CSMD3: variants seen among roughly 807,000 people sequenced by gnomAD.
The protein encoded by CSMD3 is CUB and Sushi multiple domains 3.
CSMD3 carries 177 observed loss-of-function variants against 435.2 expected under a neutral mutation model. The ratio of observed to expected loss-of-function variants is 0.41; its 90% confidence interval spans 0.36 to 0.46. The LOEUF (loss-of-function observed/expected upper bound fraction) is 0.46. CSMD3 is among the 20% of genes least tolerant of loss of function. CSMD3 has a pLI of 0.34. For synonymous variants in CSMD3, 1,656 were observed against 1,520.5 expected (o/e 1.09, Z -2.07); for missense variants, 4,265 against 4,504.6 (o/e 0.95, Z 1.52).
At chr8:113,389,564 T>C (rs890570928) in intron 1 of CSMD3, among the ~76,000 whole-genome samples, 1 of 151,768 alleles carries the variant, frequency 6.6e-6, no homozygotes, top group Admixed American at 6.6e-5. Context: ...GGGGTAGAAA[T>C]TTACACTGTC....
chr8:113,431,775 TTTTG>T (rs1328552125), intron 1 of CSMD3, among the ~76,000 whole-genome samples: 1 of 151,756 alleles, frequency 6.6e-6, no homozygotes, highest in Non-Finnish European at 1.5e-5. Flanking sequence ...CTCCTACTTT[TTTTG>T]TTTATCAGCT....
intron 65 of CSMD3, 123 bp from the exon 66 acceptor site, chr8:112,241,908 C>T: frequency 2.6e-6 from 2 of 766,124 alleles, no homozygotes; most frequent in South Asian, 2.8e-5. Context: ...TCTGACATTT[C>T]ACATAGATAG....
At chr8:112,656,056 AAAAT>A (rs1239121536) in intron 18 of CSMD3, 94 bp downstream of exon 18, 7 of 691,086 alleles carry the variant, frequency 1.0e-5, no homozygotes, top group African/African-American at 1.8e-5. Context: ...GCTTTGATTT[AAAAT>A]AAATAGAGCT....
chr8:113,081,983 C>T (rs913435306), intron 5 of CSMD3, among the ~76,000 whole-genome samples: 1 of 152,154 alleles, frequency 6.6e-6, no homozygotes. Flanking sequence ...TGCATCCATG[C>T]ATGCCCTCTG....
In CSMD3 at chr8:113,085,966, A is replaced by T. The variant is rs12334875; in HGVS notation, c.917+12790T>A. ...TAAAAAGAGCCAACCGGCTGGGTGC[A>T]GTGGCTCATGCCTGTAATCCCAGCA... On this transcript the variant is annotated intron_variant, in intron 5 of 70. Transcript: ENST00000297405. Among the ~76,000 whole-genome samples, 900 of 152,092 alleles carry T rather than the reference A, an allele frequency of 5.9e-3. 4 individuals are homozygous for T. Among genetic ancestry groups the T allele is most frequent in the African/African-American group, 0.019 (800 of 41,494 alleles).
chr8:112,658,834 A>C (rs2075313369), intron 17 of CSMD3, among the ~76,000 whole-genome samples: 1 of 152,100 alleles, frequency 6.6e-6, no homozygotes, highest in Admixed American at 6.6e-5. Context: ...TGGCGTCTGT[A>C]ATCCTAGCTA....
intron 58 of CSMD3, among the ~76,000 whole-genome samples, chr8:112,284,476 G>A (rs1308400617): frequency 6.6e-6 from 1 of 151,374 alleles, no homozygotes; most frequent in Non-Finnish European, 1.5e-5. Flanking sequence ...CATTTCTCAT[G>A]GTTCTAATAT....
At chr8:113,114,701 C>A (rs2090770977) in intron 4 of CSMD3, among the ~76,000 whole-genome samples, 1 of 152,156 alleles carries the variant, frequency 6.6e-6, no homozygotes, top group Non-Finnish European at 1.5e-5. Flanking sequence ...AATATTTTTA[C>A]AAAAAGTAGG....
At chr8:112,776,888 T>C (rs1471975452) in intron 13 of CSMD3, among the ~76,000 whole-genome samples, 1 of 151,724 alleles carries the variant, frequency 6.6e-6, no homozygotes, top group East Asian at 1.9e-4. Flanking sequence ...AAATATACAA[T>C]TTAATTTATT....
At chr8:113,082,844 A>C (rs1199989731) in intron 5 of CSMD3, among the ~76,000 whole-genome samples, 1 of 152,168 alleles carries the variant, frequency 6.6e-6, no homozygotes, top group African/African-American at 2.4e-5. Flanking sequence ...AGATTAGATC[A>C]AGCAGGAGAA....
intron 13 of CSMD3, among the ~76,000 whole-genome samples, chr8:112,771,812 G>A (rs1015091626): frequency 2.6e-5 from 4 of 151,870 alleles, no homozygotes; most frequent in African/African-American, 9.7e-5. Context: ...CATAAACATT[G>A]TTCATGAAAT....
intron 11 of CSMD3, among the ~76,000 whole-genome samples, chr8:112,835,270 T>G (rs2079989302): frequency 6.6e-6 from 1 of 151,898 alleles, no homozygotes; most frequent in South Asian, 2.1e-4. Context: ...ATAATCTTTC[T>G]GTGAATCTTG....
At chr8:112,599,604 G>T (rs1832121854) in intron 22 of CSMD3, among the ~76,000 whole-genome samples, 2 of 144,436 alleles carry the variant, frequency 1.4e-5, no homozygotes, top group Admixed American at 6.9e-5. Context: ...CAATAGCAAA[G>T]ACTTGGAACC....
intron 61 of CSMD3, among the ~76,000 whole-genome samples, chr8:112,257,925 A>G (rs1040423099): frequency 3.3e-5 from 5 of 152,336 alleles, no homozygotes; most frequent in Admixed American, 6.5e-5. Flanking sequence ...ACTGCTACCA[A>G]AACAGATATA....
intron 13 of CSMD3, among the ~76,000 whole-genome samples, chr8:112,761,922 G>GA (rs1265369569): frequency 3.9e-5 from 6 of 151,960 alleles, no homozygotes; most frequent in Admixed American, 6.6e-5. Context: ...TCTTGAAGGT[G>GA]AATGTTTTAG....
intron 13 of CSMD3, among the ~76,000 whole-genome samples, chr8:112,787,641 T>C (rs1288483922): frequency 2.0e-5 from 3 of 152,092 alleles, no homozygotes; most frequent in African/African-American, 7.2e-5. Context: ...TGGAACAACA[T>C]AGATGGAACT....
chr8:113,254,200 G>C (rs577961760), intron 3 of CSMD3, among the ~76,000 whole-genome samples: 20 of 152,248 alleles, frequency 1.3e-4, no homozygotes, highest in African/African-American at 4.8e-4. Flanking sequence ...GGCAGTTAGT[G>C]AGGATAAGAG....
intron 31 of CSMD3, among the ~76,000 whole-genome samples, chr8:112,477,161 CA>C (rs1819135300): frequency 6.6e-6 from 1 of 152,106 alleles, no homozygotes; most frequent in Non-Finnish European, 1.5e-5. Flanking sequence ...GTACAGAATC[CA>C]GATACACCCT....
intron 13 of CSMD3, among the ~76,000 whole-genome samples, chr8:112,705,613 A>C (rs2076483039): frequency 6.6e-6 from 1 of 152,012 alleles, no homozygotes; most frequent in African/African-American, 2.4e-5. Context: ...AGGGTAGAGG[A>C]GAAATTTTTC....
Sources: gnomAD v4.1 joint callset for allele counts (sites outside exome capture counted in the v4.1 genomes callset) on GRCh38, gnomAD v4.1.1 for gene constraint, MANE v1.5 for transcripts, NCBI Gene and HGNC (gene_info 2026-07-23, HGNC 2026-07-21) for gene names.